The following CSMD1 variants were observed in gnomAD, a reference collection of about 807,000 sequenced individuals.
CSMD1 encodes CUB and sushi domain-containing protein 1.
Under a neutral mutation model 417.5 loss-of-function variants are expected in CSMD1, and 213 were observed. That is an observed-to-expected ratio of 0.51 (90% CI 0.46 to 0.57). The LOEUF (loss-of-function observed/expected upper bound fraction) is 0.57, where lower values mean the gene tolerates loss of function less well. CSMD1 is among the 20% of genes least tolerant of loss of function. The probability of loss-of-function intolerance (pLI) is 0.00; values close to 1 mark genes in which losing one functional copy is unlikely to be tolerated. For synonymous variants in CSMD1, 2,862 were observed against 1,736.8 expected (o/e 1.65, Z -16.11); for missense variants, 6,923 against 4,529.7 (o/e 1.53, Z -15.17).
chr8:4,324,043 G>C (rs117524922), intron 3 of CSMD1, among the ~76,000 whole-genome samples: 13 of 152,106 alleles, frequency 8.5e-5, no homozygotes, highest in African/African-American at 2.7e-4. Context: ...CAGTTCCTCT[G>C]TGTAGTTCAA....
At chr8:4,048,155 C>T (rs17068754) in intron 3 of CSMD1, among the ~76,000 whole-genome samples, 17,276 of 152,138 alleles carry the variant, frequency 0.11, 1,503 homozygotes, top group East Asian at 0.35. Flanking sequence ...AATGAATGTA[C>T]GCAGTCAGAC....
At chr8:4,030,386 C>T (rs544586081) in intron 4 of CSMD1, among the ~76,000 whole-genome samples, 1 of 152,206 alleles carries the variant, frequency 6.6e-6, no homozygotes, top group African/African-American at 2.4e-5. Flanking sequence ...TTATTGACTT[C>T]TACACATTCG....
intron 1 of CSMD1, among the ~76,000 whole-genome samples, chr8:4,688,491 A>C (rs1349715593): frequency 6.6e-6 from 1 of 152,126 alleles, no homozygotes; most frequent in East Asian, 1.9e-4. Flanking sequence ...GGTGATAATA[A>C]GCAAAATGCA....
At chr8:4,067,218 T>C (rs1374488110) in intron 3 of CSMD1, among the ~76,000 whole-genome samples, 1 of 152,230 alleles carries the variant, frequency 6.6e-6, no homozygotes, top group Admixed American at 6.5e-5. Context: ...TCATCTTTTT[T>C]CTACATGAAG....
chr8:4,503,325 TTGAG>T (rs1354239881), intron 2 of CSMD1, among the ~76,000 whole-genome samples: 11 of 152,126 alleles, frequency 7.2e-5, no homozygotes, highest in Non-Finnish European at 1.6e-4. Flanking sequence ...TCAATAACTA[TTGAG>T]TGACTACCAT....
intron 26 of CSMD1, among the ~76,000 whole-genome samples, chr8:3,253,700 A>T (rs974279835): frequency 4.0e-5 from 6 of 151,812 alleles, no homozygotes; most frequent in Non-Finnish European, 8.8e-5. Flanking sequence ...TTGCTTTATG[A>T]ATCTTTTTTT....
Position 3,975,208 on chromosome 8 carries a change from C to T in CSMD1, c.818+22695G>A, listed in dbSNP as rs139416331. Among the ~76,000 whole-genome samples the T allele has an allele frequency of 3.6e-3, 549 of 152,220 alleles. 5 individuals are homozygous for T. The highest frequency in any genetic ancestry group is 0.013 in the African/African-American group (527 of 41,530). On this transcript the variant is annotated intron_variant, in intron 5 of 69. Transcript: ENST00000635120. ...GCATCCTGTTACGATGTTATTGTTA[C>T]ATAATTGATTACTTGGTTTATGCCA...
chr8:3,735,557 AAT>A (rs1360108323), intron 6 of CSMD1, among the ~76,000 whole-genome samples: 1 of 152,234 alleles, frequency 6.6e-6, no homozygotes, highest in Non-Finnish European at 1.5e-5. Context: ...GCCTTTAGAA[AAT>A]ATGAGTCAGC....
intron 3 of CSMD1, among the ~76,000 whole-genome samples, chr8:4,063,781 C>T (rs1175829272): frequency 1.3e-5 from 2 of 152,128 alleles, no homozygotes; most frequent in Non-Finnish European, 2.9e-5. Context: ...CTTCTTCATT[C>T]AGTTCCACTT....
chr8:3,034,188 G>A (rs924650746), intron 50 of CSMD1, among the ~76,000 whole-genome samples: 2 of 152,180 alleles, frequency 1.3e-5, no homozygotes, highest in Non-Finnish European at 1.5e-5. Flanking sequence ...CTCTTAACAG[G>A]TAGAAGAAAA....
chr8:3,603,900 T>G lies in CSMD1; in HGVS notation c.1097+12810A>C, dbSNP rs184430020. 1.2e-4 allele frequency among the ~76,000 whole-genome samples: 19 copies of G among 152,348 alleles called. No individual in the cohort carries two copies. In the East Asian group the frequency reaches 3.7e-3, roughly 29 times the overall value. ...TAGCAAATGGCCAAGGCTTAATGCT[T>G]AATACAGTATATGATGCAAAGAAAC... On this transcript the variant is annotated intron_variant, in intron 8 of 69. Coordinates refer to ENST00000635120, the MANE Select transcript of CSMD1 (RefSeq NM_033225.6).
At chr8:3,908,926 C>T (rs972040317) in intron 5 of CSMD1, among the ~76,000 whole-genome samples, 6 of 152,206 alleles carry the variant, frequency 3.9e-5, no homozygotes, top group Non-Finnish European at 8.8e-5. Flanking sequence ...TCTTGCTTTG[C>T]AAGCGCTGGC....
chr8:3,773,157 G>C lies in CSMD1; in HGVS notation c.819-19115C>G, dbSNP rs183310180. On this transcript the variant is annotated intron_variant, in intron 5 of 69. Coordinates refer to ENST00000635120, the MANE Select transcript of CSMD1 (RefSeq NM_033225.6). ...AAGTCTCCACCTTCTAATAGCATTA[G>C]GATTTCAACATGAACTCTAGGGGGA... Among the ~76,000 whole-genome samples the C allele has an allele frequency of 2.2e-3, 331 of 152,274 alleles. 11 individuals carry two copies. Among genetic ancestry groups the C allele is most frequent in the East Asian group, 1.9e-4 (1 of 5,180 alleles).
At position 4,549,274 on chromosome 8, in the gene CSMD1, AC is replaced by A. The variant is rs1261377039; in HGVS notation, c.302+88067del. Among the ~76,000 whole-genome samples the A allele has an allele frequency of 6.6e-5, 10 of 152,202 alleles. No homozygotes were observed. The East Asian group carries it at 1.9e-3, about 29-fold the overall frequency. On this transcript the variant is annotated intron_variant, in intron 2 of 69. Transcript: ENST00000635120. ...AATGCCAAAGAAATTATAACGGAAG[AC>A]CAAACACCCAGGTGACTTGGAATGC...
intron 49 of CSMD1, among the ~76,000 whole-genome samples, chr8:3,068,449 C>T (rs1042511175): frequency 1.3e-5 from 2 of 152,136 alleles, no homozygotes; most frequent in African/African-American, 4.8e-5. Flanking sequence ...TTCTAAATTC[C>T]ATTAATGACA....
rs539389280 is a variant in CSMD1, at chr8:4,840,754, A to T, written c.85+153578T>A. Among the ~76,000 whole-genome samples the T allele has an allele frequency of 4.4e-4, 67 of 152,306 alleles. 1 individual carries two copies. Among genetic ancestry groups the T allele is most frequent in the Admixed American group, 1.1e-3 (17 of 15,300 alleles). On this transcript the variant is annotated intron_variant, in intron 1 of 69. Transcript: ENST00000635120. ...GCTTTTCAGTTTCTCTTTGCCCACT[A>T]ATAGACAAAACTATTAAAATGTCCA...
intron 4 of CSMD1, among the ~76,000 whole-genome samples, chr8:4,024,030 A>G (rs778257920): frequency 6.6e-6 from 1 of 152,124 alleles, no homozygotes; most frequent in Non-Finnish European, 1.5e-5. Context: ...TTCTATTGCA[A>G]TTGAGAGAAC....
intron 2 of CSMD1, among the ~76,000 whole-genome samples, chr8:4,562,091 T>A (rs1022280286): frequency 6.6e-6 from 1 of 152,154 alleles, no homozygotes; most frequent in Non-Finnish European, 1.5e-5. Context: ...GATGGAAATA[T>A]GTTCCCTGAT....
At chr8:4,324,760 C>A (rs554685901) in intron 3 of CSMD1, among the ~76,000 whole-genome samples, 1 of 152,266 alleles carries the variant, frequency 6.6e-6, no homozygotes. Flanking sequence ...TTTGTTTCAG[C>A]CCCATAAACA....
Sources: gnomAD v4.1 joint callset for allele counts (sites outside exome capture counted in the v4.1 genomes callset) on GRCh38, gnomAD v4.1.1 for gene constraint, MANE v1.5 for transcripts, NCBI Gene and HGNC (gene_info 2026-07-23, HGNC 2026-07-21) for gene names.